The following PAM variants were observed in gnomAD, a reference collection of about 807,000 sequenced individuals.
PAM encodes peptidyl-glycine alpha-amidating monooxygenase.
Under a neutral mutation model 122.1 loss-of-function variants are expected in PAM, and 72 were observed. That is an observed-to-expected ratio of 0.59 (90% confidence interval 0.49 to 0.72). PAM has a LOEUF of 0.72. Ranked by LOEUF, PAM falls within the 30% of genes least tolerant of loss-of-function variation. PAM has a pLI of 0.00. For missense variants in PAM, 1,106 were observed against 1,183.7 expected (o/e 0.93, Z 0.96); for synonymous variants, 389 against 404.4 (o/e 0.96, Z 0.46).
intron 1 of PAM, among the ~76,000 whole-genome samples, chr5:102,793,485 G>A (rs258148): frequency 0.3 from 46,245 of 152,104 alleles, 7,489 homozygotes; most frequent in Non-Finnish European, 0.37. Flanking sequence ...GAGCCTGATC[G>A]CACCACTGCT....
At chr5:103,009,928 G>C (rs1271633684) in intron 21 of PAM, 62 bp downstream of exon 21, 2 of 845,894 alleles carry the variant, frequency 2.4e-6, no homozygotes, top group Non-Finnish European at 3.6e-6. Flanking sequence ...TATAAATCTT[G>C]GCATTCAATC....
intron 1 of PAM, among the ~76,000 whole-genome samples, chr5:102,806,054 A>T (rs1030702400): frequency 7.9e-5 from 12 of 152,024 alleles, no homozygotes; most frequent in Non-Finnish European, 1.5e-4. Flanking sequence ...GTACCTTTTT[A>T]AAAAAACATC....
intron 3 of PAM, among the ~76,000 whole-genome samples, chr5:102,884,972 G>T (rs1173095034): frequency 6.6e-6 from 1 of 151,798 alleles, no homozygotes; most frequent in Non-Finnish European, 1.5e-5. Flanking sequence ...ATTTGCCATG[G>T]CAACATCGAT....
chr5:102,913,565 A>G (rs1048929993), intron 4 of PAM, among the ~76,000 whole-genome samples: 1 of 152,006 alleles, frequency 6.6e-6, no homozygotes, highest in Non-Finnish European at 1.5e-5. Flanking sequence ...AATGTTGAGC[A>G]GTGTTTTATG....
intron 9 of PAM, 56 bp downstream of exon 9, chr5:102,948,501 G>T: frequency 1.3e-6 from 1 of 798,704 alleles, no homozygotes; most frequent in Non-Finnish European, 2.1e-6. Context: ...CTGTAGAAAT[G>T]GATTTATACT....
At chr5:102,892,320 CGTT>C (rs1794986676) in intron 3 of PAM, among the ~76,000 whole-genome samples, 1 of 151,778 alleles carries the variant, frequency 6.6e-6, no homozygotes, top group African/African-American at 2.4e-5. Flanking sequence ...TACTTGATGA[CGTT>C]GTTTAGTTGC....
At chr5:102,933,461 G>T (rs1752247243) in intron 7 of PAM, among the ~76,000 whole-genome samples, 1 of 152,236 alleles carries the variant, frequency 6.6e-6, no homozygotes, top group South Asian at 2.1e-4. Flanking sequence ...ATTCCATGCT[G>T]GCTGTGATCC....
At chr5:102,992,815 C>A (rs1207363211) in intron 16 of PAM, among the ~76,000 whole-genome samples, 1 of 152,064 alleles carries the variant, frequency 6.6e-6, no homozygotes, top group Non-Finnish European at 1.5e-5. Context: ...CTGAGGTTCA[C>A]AGAATTGTAG....
chr5:102,856,503 T>C (rs931144654), intron 1 of PAM, among the ~76,000 whole-genome samples: 1 of 152,202 alleles, frequency 6.6e-6, no homozygotes, highest in African/African-American at 2.4e-5. Flanking sequence ...GGATCTGTTT[T>C]ATTTTACAGT....
chr5:102,860,742 G>A (rs1783946849), intron 1 of PAM, among the ~76,000 whole-genome samples: 2 of 151,872 alleles, frequency 1.3e-5, no homozygotes, highest in African/African-American at 2.4e-5. Context: ...TTATAAAGGG[G>A]AAAAAAATAG....
Position 102,949,948 on chromosome 5 carries a change from G to A in PAM, c.771G>A (p.Leu257=), listed in dbSNP as rs1484468711. The change falls in exon 11 of 26, where the codon CTG becomes CTA. Residue 257 remains leucine (L), a synonymous_variant. Transcript: ENST00000438793. ...GYRVRNGQWT[L]IGRQSPQLPQ... ...GAGTAAGAAATGGACAGTGGACACT[G>A]ATTGGACGGCAGAGCCCTCAGCTGC... is the stretch of plus-strand genomic sequence containing the variant. 6.3e-7 allele frequency: 1 copy of A among 1,593,816 alleles called. No individual in the cohort carries two copies. The highest frequency in any genetic ancestry group is 2.2e-5 in the East Asian group (1 of 44,684).
chr5:102,811,206 A>G (rs1000977921), intron 1 of PAM, among the ~76,000 whole-genome samples: 1 of 152,234 alleles, frequency 6.6e-6, no homozygotes, highest in East Asian at 1.9e-4. Context: ...GGTGGCTTAA[A>G]AAGTACAAAT....
At chr5:102,941,027 C>T (rs1253060991) in intron 7 of PAM, among the ~76,000 whole-genome samples, 1 of 152,082 alleles carries the variant, frequency 6.6e-6, no homozygotes, top group African/African-American at 2.4e-5. Context: ...TAGAAGGATG[C>T]CTCTGGAGCA....
chr5:102,848,964 G>T (rs892947983), intron 1 of PAM, among the ~76,000 whole-genome samples: 1 of 152,036 alleles, frequency 6.6e-6, no homozygotes, highest in East Asian at 1.9e-4. Context: ...ACCCATATGA[G>T]GGCACATCAA....
In PAM at chr5:102,811,520, G is replaced by C. The variant is rs375107197; in HGVS notation, c.-373-54303G>C. Reference sequence around the variant, plus strand: ...TTGGGCCCACCTGGATAATCTAGGAGACTCTCCCCGTTTTAAGACCCTTAA... The same window carrying C: ...TTGGGCCCACCTGGATAATCTAGGACACTCTCCCCGTTTTAAGACCCTTAA... On this transcript the variant is annotated intron_variant, in intron 1 of 25. Coordinates refer to ENST00000438793, the MANE Select transcript of PAM (RefSeq NM_001177306.2). 2.0e-5 allele frequency among the ~76,000 whole-genome samples: 3 copies of C among 152,274 alleles called. No homozygotes were observed. The East Asian group carries it at 5.8e-4, about 29-fold the overall frequency.
At chr5:102,916,171 G>A (rs1008771650) in intron 5 of PAM, among the ~76,000 whole-genome samples, 2 of 151,976 alleles carry the variant, frequency 1.3e-5, no homozygotes, top group African/African-American at 4.8e-5. Flanking sequence ...ACTTATACTA[G>A]GCCATTTTTA....
chr5:102,842,069 C>T lies in PAM; in HGVS notation c.-373-23754C>T, dbSNP rs930817702. On this transcript the variant is annotated intron_variant, in intron 1 of 25. Coordinates refer to ENST00000438793, the MANE Select transcript of PAM (RefSeq NM_001177306.2). ...TATTTCAGATGGGTCCAAACATTAT[C>T]GACAAAAATGAATTAGAACCATAAT... 8.6e-5 allele frequency among the ~76,000 whole-genome samples: 13 copies of T among 151,958 alleles called. No homozygotes were observed. In the East Asian group the frequency reaches 1.7e-3, roughly 20 times the overall value.
In PAM at chr5:103,019,816, G is replaced by C; in HGVS notation, c.2458G>C (p.Ala820Pro). ...ATTGGAACATCGATCAGTTAAAAAG[G>C]CTGGCATTGAGGTCCAGGAAATCAA... is the stretch of plus-strand genomic sequence containing the variant. The part of the protein sequence containing the change: ...EKLEHRSVKK[A>P]GIEVQEIKEA... Residue 820 changes from alanine (A) to proline (P), a missense_variant, in exon 23 of 26, where the codon GCT becomes CCT. Ala to Pro is a conservative substitution (Grantham distance 27). Coordinates refer to ENST00000438793, the MANE Select transcript of PAM (RefSeq NM_001177306.2). 1 of 1,608,858 alleles carries C rather than the reference G, an allele frequency of 6.2e-7. No individual in the cohort carries two copies. The highest frequency in any genetic ancestry group is 8.5e-7 in the Non-Finnish European group (1 of 1,175,394).
chr5:102,881,276 C>G (rs1484323134), intron 3 of PAM, among the ~76,000 whole-genome samples: 1 of 151,618 alleles, frequency 6.6e-6, no homozygotes, highest in African/African-American at 2.4e-5. Flanking sequence ...AGAAGACAAG[C>G]AGCCCAAAAG....
Sources: allele counts gnomAD v4.1 joint callset (sites outside exome capture counted in the v4.1 genomes callset), GRCh38; gene constraint gnomAD v4.1.1; transcripts MANE v1.5; gene names NCBI Gene and HGNC (gene_info 2026-07-23, HGNC 2026-07-21).